Variants in NAV3 observed in about 807,000 individuals in gnomAD.
NAV3 encodes the protein neuron navigator 3.
A neutral mutation model predicts 244.7 loss-of-function variants in NAV3; 87 were observed. The ratio of observed to expected loss-of-function variants is 0.36; its 90% CI spans 0.30 to 0.42. The LOEUF (loss-of-function observed/expected upper bound fraction) is 0.42. NAV3 is among the 20% of genes least tolerant of loss of function. NAV3 has a pLI of 1.00. For synonymous variants in NAV3, 1,126 were observed against 1,042.2 expected (o/e 1.08, Z -1.55); for missense variants, 2,663 against 2,893.3 (o/e 0.92, Z 1.83).
At chr12:78,136,394 T>G (rs1022490694) in intron 18 of NAV3, among the ~76,000 whole-genome samples, 1 of 152,174 alleles carries the variant, frequency 6.6e-6, no homozygotes, top group Non-Finnish European at 1.5e-5. Context: ...CAACCAAATC[T>G]TTCCTTAAAT....
At chr12:77,840,792 C>A (rs1875507300) in intron 1 of NAV3, among the ~76,000 whole-genome samples, 1 of 152,172 alleles carries the variant, frequency 6.6e-6, no homozygotes. Flanking sequence ...GGAATTCCAA[C>A]CTAGGTCTAT....
At chr12:77,585,987 C>T (rs1351279194) in intron 2 of NAV3, among the ~76,000 whole-genome samples, 1 of 151,964 alleles carries the variant, frequency 6.6e-6, no homozygotes, top group Non-Finnish European at 1.5e-5. Context: ...ATGGTGAGAC[C>T]CCATCTCTAC....
At chr12:77,928,837 G>A (rs1888493351) in intron 1 of NAV3, among the ~76,000 whole-genome samples, 1 of 152,140 alleles carries the variant, frequency 6.6e-6, no homozygotes, top group African/African-American at 2.4e-5. Context: ...GATAAATGCA[G>A]TTGCAAATGA....
chr12:77,776,273 A>C (rs1870349810), intron 2 of NAV3, among the ~76,000 whole-genome samples: 1 of 152,254 alleles, frequency 6.6e-6, no homozygotes, highest in Admixed American at 6.5e-5. Flanking sequence ...TTAATTTTAC[A>C]TAAAAGGAAG....
At chr12:78,188,488 T>A (rs1593972135) in intron 32 of NAV3, 121 bp from the exon 33 acceptor site, 2 of 1,175,960 alleles carry the variant, frequency 1.7e-6, no homozygotes, top group Admixed American at 4.7e-5. Context: ...ATATTAACAG[T>A]TCTTATATTA....
At chr12:78,206,414 AT>A (rs2140100238) in intron 39 of NAV3, among the ~76,000 whole-genome samples, 1 of 152,292 alleles carries the variant, frequency 6.6e-6, no homozygotes, top group African/African-American at 2.4e-5. Flanking sequence ...AGTATGGATT[AT>A]TTAATCTGAA....
chr12:77,668,234 C>G (rs923026594), intron 2 of NAV3, among the ~76,000 whole-genome samples: 3 of 152,002 alleles, frequency 2.0e-5, no homozygotes, highest in Non-Finnish European at 4.4e-5. Flanking sequence ...TCTTGATTAC[C>G]CCCAAAAGAT....
intron 21 of NAV3, among the ~76,000 whole-genome samples, chr12:78,148,445 C>A (rs187375841): frequency 2.6e-5 from 4 of 151,902 alleles, no homozygotes; most frequent in Admixed American, 2.0e-4. Flanking sequence ...CATGGAGTAT[C>A]TTTTACTAAA....
intron 2 of NAV3, among the ~76,000 whole-genome samples, chr12:77,645,606 G>A (rs1180439823): frequency 1.4e-5 from 2 of 144,556 alleles, no homozygotes; most frequent in African/African-American, 5.2e-5. Context: ...CAAACAGAAA[G>A]CAGTCCTCCC....
chr12:78,026,696 T>C (rs935940960), intron 9 of NAV3, among the ~76,000 whole-genome samples: 3 of 152,200 alleles, frequency 2.0e-5, no homozygotes, highest in Non-Finnish European at 4.4e-5. Context: ...CCTAGAATAA[T>C]TGCATTTTAA....
chr12:78,070,615 A>G (rs1010907290), intron 12 of NAV3, among the ~76,000 whole-genome samples: 3 of 151,710 alleles, frequency 2.0e-5, no homozygotes, highest in Non-Finnish European at 4.4e-5. Context: ...GGTTAGTTAC[A>G]TATGTATACA....
At chr12:78,080,922 G>A in intron 12 of NAV3, among the ~76,000 whole-genome samples, 1 of 152,256 alleles carries the variant, frequency 6.6e-6, no homozygotes, top group African/African-American at 2.4e-5. Context: ...TAACAAGTAG[G>A]ATAATTCAAA....
intron 1 of NAV3, among the ~76,000 whole-genome samples, chr12:77,848,632 A>G (rs1877013176): frequency 6.6e-6 from 1 of 152,198 alleles, no homozygotes; most frequent in South Asian, 2.1e-4. Flanking sequence ...CACTACAAAT[A>G]TTGAATAATG....
intron 7 of NAV3, among the ~76,000 whole-genome samples, chr12:78,005,650 G>A (rs1216346093): frequency 6.6e-6 from 1 of 152,184 alleles, no homozygotes; most frequent in Non-Finnish European, 1.5e-5. Context: ...AAATTATAGA[G>A]CTTGGGCTGT....
At chr12:77,740,394 CA>C (rs1469217869) in intron 2 of NAV3, among the ~76,000 whole-genome samples, 1 of 151,082 alleles carries the variant, frequency 6.6e-6, no homozygotes, top group Non-Finnish European at 1.5e-5. Flanking sequence ...TTTTAGACAT[CA>C]AAAAGCTTTT....
At chr12:78,160,140 A>G (rs1313370891) in intron 23 of NAV3, among the ~76,000 whole-genome samples, 7 of 152,180 alleles carry the variant, frequency 4.6e-5, no homozygotes, top group Non-Finnish European at 7.3e-5. Context: ...CATTTGTTAT[A>G]TCAAAATACT....
chr12:78,030,554 C>T (rs1030895382), intron 9 of NAV3, among the ~76,000 whole-genome samples: 1 of 152,184 alleles, frequency 6.6e-6, no homozygotes, highest in South Asian at 2.1e-4. Context: ...TATGATGATA[C>T]TTAATAAACT....
chr12:77,778,354 T>G (rs1053559760), intron 2 of NAV3, among the ~76,000 whole-genome samples: 1 of 151,540 alleles, frequency 6.6e-6, no homozygotes, highest in African/African-American at 2.4e-5. Flanking sequence ...GGCTCACTCC[T>G]GTAATCCCAG....
At chr12:77,671,276 A>AGCAG (rs1873960006) in intron 2 of NAV3, among the ~76,000 whole-genome samples, 1 of 152,074 alleles carries the variant, frequency 6.6e-6, no homozygotes, top group South Asian at 2.1e-4. Flanking sequence ...GACCTCTACA[A>AGCAG]GGAAAACCCT....
Sources: allele counts gnomAD v4.1 joint callset (sites outside exome capture counted in the v4.1 genomes callset), GRCh38; gene constraint gnomAD v4.1.1; transcripts MANE v1.5; gene names NCBI Gene and HGNC (gene_info 2026-07-23, HGNC 2026-07-21).